Variants in RICTOR observed in about 807,000 individuals in gnomAD.
RICTOR encodes RPTOR independent companion of MTOR complex 2, also known as rapamycin-insensitive companion of mTOR.
Under a neutral mutation model 214.9 loss-of-function variants are expected in RICTOR, and 49 were observed. The ratio of observed to expected loss-of-function variants is 0.23; its 90% CI spans 0.18 to 0.29. RICTOR has a LOEUF of 0.29. Among genes scored for constraint, RICTOR ranks in the 10% least tolerant of loss-of-function variants. RICTOR has a pLI of 1.00. For synonymous variants in RICTOR, 717 were observed against 711.3 expected, an observed-to-expected ratio of 1.01 and a Z score of -0.13; for missense variants, 1,625 against 2,047.0, an observed-to-expected ratio of 0.79 and a Z score of 3.98.
rs553691738 is a variant in RICTOR, at chr5:39,066,213, G to A, written c.97+7898C>T. Among the ~76,000 whole-genome samples the A allele has an allele frequency of 1.1e-3, 169 of 152,348 alleles. 1 individual carries two copies. Among genetic ancestry groups the A allele is most frequent in the African/African-American group, 3.9e-3 (161 of 41,580 alleles). On this transcript the variant is annotated intron_variant, in intron 2 of 37. Transcript: ENST00000357387. Reference sequence around the variant, plus strand: ...CCTGCAGGCTTAATAATACATGTAAGCCATCAAGTCTTATGGCTTGCACCC... The same window carrying A: ...CCTGCAGGCTTAATAATACATGTAAACCATCAAGTCTTATGGCTTGCACCC...
intron 29 of RICTOR, 129 bp downstream of exon 29, chr5:38,952,856 C>A: frequency 5.1e-6 from 3 of 585,790 alleles, no homozygotes; most frequent in Non-Finnish European, 9.2e-6. Flanking sequence ...AGTTAATAAT[C>A]TTGTATCATT....
rs1214547345 is a variant in RICTOR, at chr5:38,952,383, T to A, written c.2940A>T (p.Gln980His). The A allele has an allele frequency of 6.2e-7, 1 of 1,612,812 alleles. No individual in the cohort carries two copies. Among genetic ancestry groups the A allele is most frequent in the African/African-American group, 1.3e-5 (1 of 74,968 alleles). The change falls in exon 30 of 38, where the codon CAA becomes CAT. Residue 980 changes from glutamine (Q) to histidine (H), a missense_variant. Gln to His is a conservative substitution (Grantham distance 24). This residue lies in a region of RICTOR where 1,214 missense variants were observed against 1,470.5 expected (regional missense o/e 0.83). Transcript: ENST00000357387. ...YVLGLIAKTKQGCDILKCHNW... is the reference protein window; with the variant it reads ...YVLGLIAKTKHGCDILKCHNW... ...TGTGACATTTTAGAATATCACAGCC[T>A]TGTTTGGTTTTAGCTATGAGCCCAA...
intron 2 of RICTOR, among the ~76,000 whole-genome samples, chr5:39,070,859 T>C (rs1759271423): frequency 1.3e-5 from 2 of 152,222 alleles, no homozygotes. Context: ...AAATACATTT[T>C]GGCATGCATT....
intron 7 of RICTOR, among the ~76,000 whole-genome samples, chr5:38,990,568 G>A (rs183978440): frequency 0.011 from 1,606 of 140,764 alleles, 122 homozygotes; most frequent in African/African-American, 0.041. Flanking sequence ...ATATATACAC[G>A]ATATATATGA....
chr5:38,991,753 G>T, intron 6 of RICTOR, among the ~76,000 whole-genome samples: 1 of 152,008 alleles, frequency 6.6e-6, no homozygotes, highest in East Asian at 1.9e-4. Flanking sequence ...GATCTAACTG[G>T]CAGTAACATT....
Position 38,990,942 on chromosome 5 carries a change from T to C in RICTOR, c.583+7A>G. The stretch of plus-strand genomic sequence containing the variant: ...TTACATTTTCATTACTTGAAGAAAA[T>C]TCTGACCTAGTTCACAGATAATGGC... On this transcript the variant is annotated splice_region_variant and intron_variant, in intron 7 of 37. Coordinates refer to ENST00000357387, the MANE Select transcript of RICTOR (RefSeq NM_152756.5). 1 of 1,583,588 alleles carries C rather than the reference T, an allele frequency of 6.3e-7. No homozygotes were observed. The highest frequency in any genetic ancestry group is 8.6e-7 in the Non-Finnish European group (1 of 1,163,442).
intron 6 of RICTOR, 24 bp downstream of exon 6, chr5:38,996,795 T>C (rs746870064): frequency 6.6e-7 from 1 of 1,509,388 alleles, no homozygotes; most frequent in South Asian, 1.2e-5. Context: ...AAATTTGCCT[T>C]TTACTCTCAC....
At chr5:38,971,989 C>A (rs772784043) in intron 10 of RICTOR, 30 bp from the exon 11 acceptor site, 1 of 1,024,050 alleles carries the variant, frequency 9.8e-7, no homozygotes, top group Non-Finnish European at 1.5e-6. Flanking sequence ...AAAAAAATCA[C>A]TGACATGAAT....
chr5:38,947,173 C>T lies in RICTOR; in HGVS notation c.4314+91G>A, dbSNP rs77909400. The T allele has an allele frequency of 1.3e-3, 1,180 of 877,002 alleles. 12 individuals are homozygous for T. In the African/African-American group the frequency reaches 0.019, roughly 14 times the overall value. The allele number at this position is 877,002 out of a possible 1,614,324, so 54.3% of individuals were successfully genotyped here. A position where few individuals can be genotyped will look rare whatever the true frequency, so the allele number is the denominator to read the frequency against. On this transcript the variant is annotated intron_variant, in intron 32 of 37. Coordinates refer to ENST00000357387, the MANE Select transcript of RICTOR (RefSeq NM_152756.5). ...AATCATGCTGCCCCAAACTGGTGCC[C>T]ACCCTAAATTATGATTTCTAGTAAG... is the stretch of plus-strand genomic sequence containing the variant.
intron 2 of RICTOR, among the ~76,000 whole-genome samples, chr5:39,027,752 T>G (rs1317449748): frequency 6.6e-6 from 1 of 152,154 alleles, no homozygotes; most frequent in Non-Finnish European, 1.5e-5. Context: ...GTGTTAAATA[T>G]TTTTCTAAGT....
At chr5:38,968,317 C>T (rs1750405451) in intron 11 of RICTOR, among the ~76,000 whole-genome samples, 1 of 151,962 alleles carries the variant, frequency 6.6e-6, no homozygotes, top group Non-Finnish European at 1.5e-5. Flanking sequence ...AGTAAACAAA[C>T]CCACTGCACT....
chr5:38,938,906 A>T lies in RICTOR; in HGVS notation c.*3398T>A, dbSNP rs1225396539. On this transcript the variant is annotated 3_prime_UTR_variant, in exon 38 of 38. Coordinates refer to ENST00000357387, the MANE Select transcript of RICTOR (RefSeq NM_152756.5). Reference sequence around the variant, plus strand: ...ATAGCTCCTCTAACAAAAGTCTCTCAATTTTACCTTTTCTTTTTTCCCCAT... The same window carrying T: ...ATAGCTCCTCTAACAAAAGTCTCTCTATTTTACCTTTTCTTTTTTCCCCAT... 4 of 233,090 alleles carry T rather than the reference A, an allele frequency of 1.7e-5. No individual in the cohort carries two copies. The highest frequency in any genetic ancestry group is 8.8e-5 in the African/African-American group (4 of 45,428). The allele number at this position is 233,090 out of a possible 1,614,324, so 14.4% of individuals were successfully genotyped here. A position where few individuals can be genotyped will look rare whatever the true frequency, so the allele number is the denominator to read the frequency against.
intron 32 of RICTOR, among the ~76,000 whole-genome samples, chr5:38,947,013 T>C (rs1296934324): frequency 6.6e-6 from 1 of 151,880 alleles, no homozygotes; most frequent in Non-Finnish European, 1.5e-5. Context: ...GATAAAGAAA[T>C]CAAATGAGAT....
chr5:38,987,333 G>T (rs1427989503), intron 7 of RICTOR, among the ~76,000 whole-genome samples: 2 of 152,076 alleles, frequency 1.3e-5, no homozygotes, highest in Non-Finnish European at 2.9e-5. Context: ...GTAGAATTTG[G>T]CTGTGAATCC....
chr5:39,046,270 G>C (rs1446875557), intron 2 of RICTOR, among the ~76,000 whole-genome samples: 3 of 150,876 alleles, frequency 2.0e-5, no homozygotes, highest in Non-Finnish European at 3.0e-5. Flanking sequence ...AGGCTGAGAT[G>C]GGAAGATCAC....
chr5:39,043,664 T>C (rs1757311237), intron 2 of RICTOR, among the ~76,000 whole-genome samples: 1 of 152,198 alleles, frequency 6.6e-6, no homozygotes, highest in Admixed American at 6.5e-5. Context: ...TGCTATGGTC[T>C]GAATGTCCCC....
intron 16 of RICTOR, 69 bp downstream of exon 16, chr5:38,964,718 AAAAAG>A (rs1245747558): frequency 1.3e-6 from 1 of 745,800 alleles, no homozygotes; most frequent in Non-Finnish European, 2.1e-6. Flanking sequence ...TATTTTTTTT[AAAAAG>A]AAGAGACAAT....
At chr5:38,983,819 G>A (rs560164925) in intron 7 of RICTOR, among the ~76,000 whole-genome samples, 6 of 152,122 alleles carry the variant, frequency 3.9e-5, no homozygotes, top group Non-Finnish European at 7.4e-5. Flanking sequence ...AAAAAAATTA[G>A]CTGGGCATGG....
Position 38,967,975 on chromosome 5 carries a change from G to A in RICTOR, c.1028C>T (p.Thr343Ile). ...GAGTAGTGCTTCTATGAACTCCTCA[G>A]TCACAACAGGTAGAGGAAGACGAAA... ...DIFRLPLPVV[T>I]EEFIEALLSV... Residue 343 changes from threonine to isoleucine, a missense_variant, in exon 12 of 38, where the codon ACT becomes ATT. By Grantham distance (89) the Thr-to-Ile change is moderately conservative. Transcript: ENST00000357387. 1 of 1,605,612 alleles carries A rather than the reference G, an allele frequency of 6.2e-7. No individual in the cohort carries two copies. The highest frequency in any genetic ancestry group is 8.5e-7 in the Non-Finnish European group (1 of 1,172,626).
Sources: allele counts gnomAD v4.1 joint callset (sites outside exome capture counted in the v4.1 genomes callset), GRCh38; gene constraint gnomAD v4.1.1; regional missense constraint gnomAD v4.1.1; transcripts MANE v1.5; gene names NCBI Gene and HGNC (gene_info 2026-07-23, HGNC 2026-07-21).